KCNT2: variants seen among roughly 807,000 people sequenced by gnomAD.
KCNT2 encodes potassium channel subfamily T member 2.
KCNT2 carries 67 observed loss-of-function variants against 153.8 expected under a neutral mutation model. The ratio of observed to expected loss-of-function variants is 0.44; its 90% CI spans 0.36 to 0.53. The LOEUF is 0.53. KCNT2 is among the 20% of genes least tolerant of loss of function. The probability of loss-of-function intolerance (pLI) is 0.00; values close to 1 mark genes in which losing one functional copy is unlikely to be tolerated. For synonymous variants in KCNT2, 500 were observed against 458.8 expected (o/e 1.09, Z -1.15); for missense variants, 975 against 1,354.8 (o/e 0.72, Z 4.40).
At chr1:196,419,028 C>A (rs1345953871) in intron 12 of KCNT2, among the ~76,000 whole-genome samples, 1 of 151,992 alleles carries the variant, frequency 6.6e-6, no homozygotes, top group African/African-American at 2.4e-5. Context: ...TGCTGGATCC[C>A]CTGAGGCTAC....
At chr1:196,443,880 T>A (rs1348642316) in intron 8 of KCNT2, among the ~76,000 whole-genome samples, 1 of 151,480 alleles carries the variant, frequency 6.6e-6, no homozygotes, top group East Asian at 1.9e-4. Context: ...TGATTAGCCA[T>A]CCCTAGACAT....
intron 4 of KCNT2, among the ~76,000 whole-genome samples, chr1:196,479,476 T>C (rs1378746119): frequency 6.9e-6 from 1 of 145,444 alleles, no homozygotes; most frequent in Non-Finnish European, 1.5e-5. Context: ...TAGTAAACCA[T>C]TTTTAGTTAT....
chr1:196,443,301 C>A (rs1214397037), intron 8 of KCNT2, among the ~76,000 whole-genome samples: 3 of 151,424 alleles, frequency 2.0e-5, no homozygotes, highest in African/African-American at 4.8e-5. Flanking sequence ...TGACCTAAGA[C>A]TATTTATTTG....
chr1:196,517,002 C>A (rs1652645668), intron 1 of KCNT2, among the ~76,000 whole-genome samples: 1 of 152,164 alleles, frequency 6.6e-6, no homozygotes, highest in African/African-American at 2.4e-5. Context: ...GACTATGGAG[C>A]CAGTAGCAGC....
intron 26 of KCNT2, among the ~76,000 whole-genome samples, chr1:196,256,714 A>G (rs1656543392): frequency 1.3e-5 from 2 of 149,400 alleles, no homozygotes; most frequent in Admixed American, 1.3e-4. Context: ...ATGGAAATAT[A>G]TATATATATA....
chr1:196,429,623 A>G lies in KCNT2; in HGVS notation c.773T>C (p.Phe258Ser). 6.2e-7 allele frequency: 1 copy of G among 1,612,818 alleles called. No homozygotes were observed. Among genetic ancestry groups the G allele is most frequent in the Non-Finnish European group, 8.5e-7 (1 of 1,179,386 alleles). The change falls in exon 9 of 28, where the codon TTT (phenylalanine) becomes TCT (serine). Residue 258 changes from phenylalanine (F) to serine (S), a missense_variant. Around this residue, in one of 6 missense-constraint regions of KCNT2, gnomAD observed 202 missense variants for 314.9 expected, o/e 0.64. Transcript: ENST00000294725. ...VTPETWSSKL[F>S]VVAMICVALV... ...AGCAACACAAATCATAGCAACTACA[A>G]AAAGCTTGGAGGACCATGTTTCAGG...
At chr1:196,597,695 T>C (rs1392310531) in intron 1 of KCNT2, among the ~76,000 whole-genome samples, 1 of 152,138 alleles carries the variant, frequency 6.6e-6, no homozygotes, top group Non-Finnish European at 1.5e-5. Flanking sequence ...CTCCAGTAAA[T>C]ACATACAAAT....
chr1:196,416,038 T>C (rs1672727510), intron 12 of KCNT2, among the ~76,000 whole-genome samples: 1 of 152,024 alleles, frequency 6.6e-6, no homozygotes, highest in South Asian at 2.1e-4. Flanking sequence ...TATGCCATTC[T>C]AAGTAGCATA....
At chr1:196,487,365 C>A (rs1322762567) in intron 3 of KCNT2, among the ~76,000 whole-genome samples, 1 of 151,154 alleles carries the variant, frequency 6.6e-6, no homozygotes, top group African/African-American at 2.4e-5. Flanking sequence ...CACATAATCA[C>A]AAAATGCAGT....
intron 1 of KCNT2, among the ~76,000 whole-genome samples, chr1:196,542,744 A>T (rs1538682): frequency 0.98 from 149,631 of 152,206 alleles, 73,592 homozygotes; most frequent in Middle Eastern, 1. Flanking sequence ...TAAGGTGCCA[A>T]ACTTGACTAT....
At chr1:196,406,431 C>A (rs1038538651) in intron 12 of KCNT2, among the ~76,000 whole-genome samples, 3 of 151,278 alleles carry the variant, frequency 2.0e-5, no homozygotes, top group African/African-American at 7.3e-5. Context: ...CTAAAAAATT[C>A]TCCACCATTA....
chr1:196,449,884 T>G (rs1482285156), intron 8 of KCNT2, among the ~76,000 whole-genome samples: 1 of 151,738 alleles, frequency 6.6e-6, no homozygotes, highest in Non-Finnish European at 1.5e-5. Flanking sequence ...GATGTATGAA[T>G]TCAGCATAAG....
intron 19 of KCNT2, among the ~76,000 whole-genome samples, chr1:196,324,965 A>G (rs1663695972): frequency 6.6e-6 from 1 of 152,138 alleles, no homozygotes; most frequent in Non-Finnish European, 1.5e-5. Flanking sequence ...GCTACTCTAA[A>G]ATCTACATAA....
chr1:196,240,349 G>C (rs1336589015), intron 26 of KCNT2, among the ~76,000 whole-genome samples: 2 of 151,854 alleles, frequency 1.3e-5, no homozygotes, highest in Non-Finnish European at 2.9e-5. Context: ...CTCACAGGTT[G>C]TTGTTAGAAT....
intron 8 of KCNT2, among the ~76,000 whole-genome samples, chr1:196,447,531 A>G (rs987733737): frequency 5.9e-5 from 9 of 151,524 alleles, no homozygotes; most frequent in East Asian, 3.9e-4. Flanking sequence ...ATAAGGGAGC[A>G]ATTATGTTGA....
intron 1 of KCNT2, among the ~76,000 whole-genome samples, chr1:196,519,064 C>T (rs1275142477): frequency 1.3e-5 from 2 of 151,924 alleles, no homozygotes; most frequent in East Asian, 3.9e-4. Flanking sequence ...TCAGCAAATC[C>T]AAAAGAACCA....
At chr1:196,380,817 T>C (rs932231349) in intron 13 of KCNT2, among the ~76,000 whole-genome samples, 1 of 152,192 alleles carries the variant, frequency 6.6e-6, no homozygotes, top group African/African-American at 2.4e-5. Flanking sequence ...TTTTCTTATA[T>C]GAGAATAGAT....
At chr1:196,438,126 T>C (rs997122568) in intron 8 of KCNT2, among the ~76,000 whole-genome samples, 1 of 151,726 alleles carries the variant, frequency 6.6e-6, no homozygotes, top group Non-Finnish European at 1.5e-5. Context: ...GTGAAATGTC[T>C]GGGATAGAAT....
At chr1:196,262,429 G>C (rs1297219330) in intron 25 of KCNT2, among the ~76,000 whole-genome samples, 1 of 151,886 alleles carries the variant, frequency 6.6e-6, no homozygotes, top group African/African-American at 2.4e-5. Context: ...ATTGAAGTTA[G>C]AATTGTTGTT....
Sources: allele counts gnomAD v4.1 joint callset (sites outside exome capture counted in the v4.1 genomes callset), GRCh38; gene constraint gnomAD v4.1.1; regional missense constraint gnomAD v4.1.1; transcripts MANE v1.5; gene names NCBI Gene and HGNC (gene_info 2026-07-23, HGNC 2026-07-21).